Variants in STK3 observed in about 807,000 individuals in gnomAD.
The protein encoded by STK3 is serine/threonine kinase 3.
STK3 carries 41 observed loss-of-function variants against 58.0 expected under a neutral mutation model. The observed-to-expected ratio is 0.71, with a 90% CI of 0.55 to 0.92. The LOEUF (loss-of-function observed/expected upper bound fraction) is 0.92. Ranked by LOEUF, STK3 falls within the 40% of genes least tolerant of loss-of-function variation. The pLI is 0.00. For missense variants in STK3, 479 were observed against 602.7 expected, an observed-to-expected ratio of 0.79 and a Z score of 2.15; for synonymous variants, 170 against 191.0, an observed-to-expected ratio of 0.89 and a Z score of 0.91.
At chr8:98,656,866 G>A (rs1018891842) in intron 6 of STK3, among the ~76,000 whole-genome samples, 5 of 152,070 alleles carry the variant, frequency 3.3e-5, no homozygotes, top group African/African-American at 4.8e-5. Flanking sequence ...TGAAGCAAAT[G>A]AGAGTTATAT....
At chr8:98,359,373 A>T in the STK3 span, among the ~76,000 whole-genome samples, 34 of 140,074 alleles carry the variant, frequency 2.4e-4, 1 homozygote, top group African/African-American at 9.5e-4. Flanking sequence ...AAAAAAAAAA[A>T]TTAGCCTGGT....
At chr8:98,912,237 G>A (rs972002775) in intron 1 of STK3, among the ~76,000 whole-genome samples, 11 of 152,204 alleles carry the variant, frequency 7.2e-5, no homozygotes, top group African/African-American at 2.4e-4. Context: ...AAATTAGCCC[G>A]ATGTGGTGGC....
At chr8:98,934,973 C>A (rs1178951231) in intron 1 of STK3, among the ~76,000 whole-genome samples, 2 of 143,864 alleles carry the variant, frequency 1.4e-5, no homozygotes, top group African/African-American at 5.0e-5. Context: ...AAGAGCAAAG[C>A]ACAAGCCTAG....
intron 4 of STK3, among the ~76,000 whole-genome samples, chr8:98,737,629 A>T (rs763136292): frequency 1.3e-5 from 2 of 152,254 alleles, no homozygotes; most frequent in African/African-American, 4.8e-5. Flanking sequence ...AAAATATAAC[A>T]GCAACAAAAG....
At chr8:98,458,590 C>T (rs972326537) in intron 10 of STK3, among the ~76,000 whole-genome samples, 1 of 152,084 alleles carries the variant, frequency 6.6e-6, no homozygotes, top group African/African-American at 2.4e-5. Context: ...GTGTCCCCAC[C>T]CAAATCTCAT....
In STK3 at chr8:98,841,043, C is replaced by G. The variant is rs74631275; in HGVS notation, c.110+42604G>C. Among the ~76,000 whole-genome samples the G allele has an allele frequency of 4.1e-3, 624 of 152,276 alleles. 4 individuals carry two copies. The highest frequency in any genetic ancestry group is 5.1e-3 in the Non-Finnish European group (350 of 68,012). On this transcript the variant is annotated intron_variant, in intron 3 of 12. Transcript: ENST00000523601. ...GCCCCTCAGGTCCCAGCCATGTGGCCGTCTCTAGAGGGCAGCACTCAGCAT... is the reference window on the plus strand; with the variant it reads ...GCCCCTCAGGTCCCAGCCATGTGGCGGTCTCTAGAGGGCAGCACTCAGCAT...
At chr8:98,820,981 A>AAAAATAAT (rs1047810657) in intron 1 of STK3, among the ~76,000 whole-genome samples, 1 of 152,186 alleles carries the variant, frequency 6.6e-6, no homozygotes, top group African/African-American at 2.4e-5. Context: ...CCACCTCAAA[A>AAAAATAAT]AAAATAATAA....
intron 1 of STK3, among the ~76,000 whole-genome samples, chr8:98,928,605 C>T (rs1365573975): frequency 1.3e-5 from 2 of 152,288 alleles, no homozygotes; most frequent in East Asian, 3.9e-4. Context: ...TGTGGCTTGG[C>T]CTTGAGGTTA....
chr8:98,712,769 G>C (rs201045231), intron 4 of STK3, among the ~76,000 whole-genome samples: 5 of 152,014 alleles, frequency 3.3e-5, no homozygotes, highest in Non-Finnish European at 5.9e-5. Flanking sequence ...GAACTCAGCT[G>C]TGCACCAAGC....
At chr8:98,632,587 T>C (rs899299600) in intron 6 of STK3, among the ~76,000 whole-genome samples, 1 of 152,218 alleles carries the variant, frequency 6.6e-6, no homozygotes, top group Non-Finnish European at 1.5e-5. Context: ...CAGATTCTAT[T>C]GGACATATGC....
chr8:98,847,753 A>G (rs1469711323), intron 3 of STK3, among the ~76,000 whole-genome samples: 3 of 151,980 alleles, frequency 2.0e-5, no homozygotes, highest in Non-Finnish European at 4.4e-5. Context: ...TTTTAAAAAT[A>G]TTTCTTCCTA....
At chr8:98,801,534 G>C (rs1027950061) in intron 1 of STK3, among the ~76,000 whole-genome samples, 1 of 151,876 alleles carries the variant, frequency 6.6e-6, no homozygotes, top group East Asian at 1.9e-4. Flanking sequence ...TGAACCCACC[G>C]GGAGGAATGA....
intron 6 of STK3, among the ~76,000 whole-genome samples, chr8:98,635,494 A>G (rs916025880): frequency 2.6e-5 from 4 of 152,216 alleles, no homozygotes; most frequent in African/African-American, 9.6e-5. Context: ...GAACCCAGGC[A>G]GTCTAGCTCC....
chr8:98,597,404 C>T lies in STK3; in HGVS notation c.685-1235G>A, dbSNP rs1345815648. 7.1e-6 allele frequency: 7 copies of T among 984,826 alleles called. No homozygotes were observed. In the East Asian group the frequency reaches 4.5e-4, roughly 64 times the overall value. 61.0% of individuals were successfully genotyped at this position (984,826 alleles called of 1,614,324 possible). On this transcript the variant is annotated intron_variant, in intron 6 of 10. Coordinates refer to ENST00000419617, the MANE Select transcript of STK3 (RefSeq NM_006281.4). Reference sequence around the variant, plus strand: ...TAATAGATTAGAATATTTTATATACCTCACGTCATGTTATACATATTACAT... The same window carrying T: ...TAATAGATTAGAATATTTTATATACTTCACGTCATGTTATACATATTACAT...
chr8:98,904,203 A>G (rs1392686617), intron 1 of STK3, among the ~76,000 whole-genome samples: 1 of 152,230 alleles, frequency 6.6e-6, no homozygotes, highest in South Asian at 2.1e-4. Context: ...AGAGAAGAGT[A>G]AAAGGCTGCT....
At chr8:98,730,515 C>G (rs1250862118) in intron 4 of STK3, among the ~76,000 whole-genome samples, 1 of 151,998 alleles carries the variant, frequency 6.6e-6, no homozygotes, top group Non-Finnish European at 1.5e-5. Context: ...GTCAGGAGTT[C>G]AAGACCAGCC....
At chr8:98,646,917 C>G (rs1488468503) in intron 6 of STK3, among the ~76,000 whole-genome samples, 1 of 152,096 alleles carries the variant, frequency 6.6e-6, no homozygotes, top group African/African-American at 2.4e-5. Context: ...CTATCTTTGC[C>G]CACCCCGCCC....
intron 2 of STK3, among the ~76,000 whole-genome samples, chr8:98,374,627 A>G (rs1278426371): frequency 6.6e-6 from 1 of 152,188 alleles, no homozygotes; most frequent in Non-Finnish European, 1.5e-5. Context: ...TTCCTCAGGA[A>G]TTTTGCATGC....
At chr8:98,941,602 C>CCAGGG (rs1840434281) in intron 1 of STK3, among the ~76,000 whole-genome samples, 1 of 152,258 alleles carries the variant, frequency 6.6e-6, no homozygotes, top group Admixed American at 6.5e-5. Context: ...GGCTGAGAGT[C>CCAGGG]AACTCCAGGG....
Sources: allele counts gnomAD v4.1 joint callset (sites outside exome capture counted in the v4.1 genomes callset), GRCh38; gene constraint gnomAD v4.1.1; transcripts MANE v1.5; gene names NCBI Gene and HGNC (gene_info 2026-07-23, HGNC 2026-07-21).